PNISR: variants seen among roughly 807,000 people sequenced by gnomAD.
PNISR encodes PNN interacting serine and arginine rich protein.
In PNISR, 20 loss-of-function variants were observed where a neutral mutation model predicts 93.4. The observed-to-expected ratio is 0.21, with a 90% CI of 0.15 to 0.31. PNISR has a LOEUF of 0.31. PNISR is among the 10% of genes least tolerant of loss of function. The pLI is 1.00. For missense variants in PNISR, 893 were observed against 985.4 expected, an observed-to-expected ratio of 0.91 and a Z score of 1.25; for synonymous variants, 305 against 306.5, an observed-to-expected ratio of 0.99 and a Z score of 0.05.
chr6:99,418,507 T>C (rs1215137160), intron 1 of PNISR, among the ~76,000 whole-genome samples: 3 of 151,900 alleles, frequency 2.0e-5, no homozygotes, highest in Non-Finnish European at 4.4e-5. Flanking sequence ...TTTTCAAGGG[T>C]TTGATTTGTA....
intron 6 of PNISR, 46 bp downstream of exon 6, chr6:99,409,122 GATAAA>G (rs1562240533): frequency 7.2e-7 from 1 of 1,388,524 alleles, no homozygotes; most frequent in East Asian, 2.3e-5. Flanking sequence ...CTTTTTATAT[GATAAA>G]AAAGTCATGC....
chr6:99,423,178 G>T (rs1162653196), intron 1 of PNISR, among the ~76,000 whole-genome samples: 1 of 151,922 alleles, frequency 6.6e-6, no homozygotes, highest in African/African-American at 2.4e-5. Context: ...ACATGTCAAA[G>T]GAGAACAGTA....
chr6:99,404,089 G>C, intron 9 of PNISR: 3 of 530,036 alleles, frequency 5.7e-6, no homozygotes, highest in Non-Finnish European at 1.0e-5. Flanking sequence ...GGTTTATAAT[G>C]AGAAAAAATG....
Position 99,416,147 on chromosome 6 carries a change from A to AT in PNISR, c.-32+201dup, listed in dbSNP as rs1315900189. ...TGGGTATCAGTTCCAAGTTAAATAT[A>AT]TTTTTTTCTAACCTCTGTTCAGTGT... is the stretch of plus-strand genomic sequence containing the variant. On this transcript the variant is annotated intron_variant, in intron 2 of 11. Coordinates refer to ENST00000369239, the MANE Select transcript of PNISR (RefSeq NM_032870.4). 6 of 361,218 alleles carry AT rather than the reference A, an allele frequency of 1.7e-5. No homozygotes were observed. The South Asian group carries it at 6.0e-4, about 36-fold the overall frequency. The allele number at this position is 361,218 out of a possible 1,614,324, so 22.4% of individuals were successfully genotyped here. A position where few individuals can be genotyped will look rare whatever the true frequency, so the allele number is the denominator to read the frequency against.
chr6:99,418,827 G>A (rs1778089365), intron 1 of PNISR, among the ~76,000 whole-genome samples: 1 of 152,108 alleles, frequency 6.6e-6, no homozygotes. Flanking sequence ...GGGCACAGGT[G>A]GAACACCAAA....
intron 8 of PNISR, among the ~76,000 whole-genome samples, 185 bp downstream of exon 8, chr6:99,405,846 C>A (rs1776096284): frequency 6.6e-6 from 1 of 152,136 alleles, no homozygotes; most frequent in Admixed American, 6.5e-5. Context: ...AGCCTGAAAT[C>A]AAAACATTTA....
chr6:99,412,810 T>A (rs2128488228), intron 3 of PNISR, 71 bp from the exon 4 acceptor site: 1 of 925,934 alleles, frequency 1.1e-6, no homozygotes, highest in Non-Finnish European at 1.6e-6. Flanking sequence ...CTATGTAAAA[T>A]AAGCAGCTCA....
In PNISR at chr6:99,400,890, T is replaced by C. The variant is rs1448570589; in HGVS notation, c.2068A>G (p.Lys690Glu). 5 of 1,580,348 alleles carry C rather than the reference T, an allele frequency of 3.2e-6. No homozygotes were observed. Among genetic ancestry groups the C allele is most frequent in the Non-Finnish European group, 4.3e-6 (5 of 1,152,658 alleles). ...KDKEREREQDKRKEKQKREEK... is the reference protein window; with the variant it reads ...KDKEREREQDERKEKQKREEK... ...TCCCTTTTTTGTTTCTCTTTTCTTTTATCCTGTTCACGTTCCCTTTCTTTG... is the reference window on the plus strand; with the variant it reads ...TCCCTTTTTTGTTTCTCTTTTCTTTCATCCTGTTCACGTTCCCTTTCTTTG... Residue 690 changes from lysine to glutamate, a missense_variant, in exon 12 of 12, where the codon AAA becomes GAA. By Grantham distance (56) the Lys-to-Glu change is moderately conservative (BLOSUM62 1). Coordinates refer to ENST00000369239, the MANE Select transcript of PNISR (RefSeq NM_032870.4).
chr6:99,423,299 G>A (rs930731323), intron 1 of PNISR, among the ~76,000 whole-genome samples: 1 of 152,128 alleles, frequency 6.6e-6, no homozygotes, highest in Non-Finnish European at 1.5e-5. Context: ...AGCCCATAAG[G>A]ATATGATAAA....
intron 11 of PNISR, 112 bp from the exon 12 acceptor site, chr6:99,401,742 C>A (rs532743365): frequency 2.6e-6 from 2 of 778,882 alleles, no homozygotes; most frequent in African/African-American, 1.8e-5. Flanking sequence ...AATAGAATTA[C>A]GATGCAAGCC....
intron 9 of PNISR, 62 bp downstream of exon 9, chr6:99,404,541 C>T: frequency 1.2e-6 from 1 of 851,926 alleles, no homozygotes; most frequent in Non-Finnish European, 2.1e-6. Flanking sequence ...AAAAAAAGGC[C>T]AAAATAGTCA....
At chr6:99,417,227 T>C (rs186818088) in intron 1 of PNISR, among the ~76,000 whole-genome samples, 2 of 152,344 alleles carry the variant, frequency 1.3e-5, no homozygotes, top group Admixed American at 1.3e-4. Flanking sequence ...ATTTAAATGA[T>C]GAAAATGATG....
rs554198406 is a variant in PNISR, at chr6:99,406,017, C to G, written c.1002+14G>C. The G allele has an allele frequency of 6.3e-7, 1 of 1,586,226 alleles. No individual in the cohort carries two copies. Among genetic ancestry groups the G allele is most frequent in the East Asian group, 2.3e-5 (1 of 44,246 alleles). On this transcript the variant is annotated intron_variant, in intron 8 of 11. Coordinates refer to ENST00000369239, the MANE Select transcript of PNISR (RefSeq NM_032870.4). Reference sequence around the variant, plus strand: ...AATAAATCCATGTACATAGTAAGAACTTTAACATTCTACCATTTGATACTC... The same window carrying G: ...AATAAATCCATGTACATAGTAAGAAGTTTAACATTCTACCATTTGATACTC...
At chr6:99,425,043 G>A (rs1256241838) in intron 1 of PNISR, 172 bp downstream of exon 1, 1 of 400,686 alleles carries the variant, frequency 2.5e-6, no homozygotes, top group Non-Finnish European at 4.3e-6. Context: ...CGAAAGCAGC[G>A]CTCTGATTTA....
Position 99,401,583 on chromosome 6 carries a change from T to C in PNISR, c.1375A>G (p.Ile459Val). ...ERVTKEMNEFIHKEQNSLSLL... is the reference protein window; with the variant it reads ...ERVTKEMNEFVHKEQNSLSLL... ...GATAAACTATTTTGCTCTTTATGGATAAATTCATTCATCTCTTTTGTAACC... is the reference window on the plus strand; with the variant it reads ...GATAAACTATTTTGCTCTTTATGGACAAATTCATTCATCTCTTTTGTAACC... The change falls in exon 12 of 12, where the codon ATC (isoleucine) becomes GTC (valine). Residue 459 changes from isoleucine (I) to valine (V), a missense_variant. Ile to Val is a conservative substitution (Grantham distance 29). Transcript: ENST00000369239. 6.3e-7 allele frequency: 1 copy of C among 1,576,002 alleles called. No homozygotes were observed. Among genetic ancestry groups the C allele is most frequent in the Non-Finnish European group, 8.6e-7 (1 of 1,168,044 alleles).
At chr6:99,404,060 T>G in intron 9 of PNISR, 178 bp from the exon 10 acceptor site, 1 of 560,058 alleles carries the variant, frequency 1.8e-6, no homozygotes, top group Non-Finnish European at 3.2e-6. Context: ...AAATTATAAC[T>G]CTGATGTGAG....
intron 3 of PNISR, 120 bp downstream of exon 3, chr6:99,414,452 C>G (rs1777399496): frequency 2.2e-6 from 1 of 464,946 alleles, no homozygotes; most frequent in African/African-American, 2.0e-5. Flanking sequence ...AGATTAAATT[C>G]TGACCATAAA....
intron 11 of PNISR, 110 bp downstream of exon 11, chr6:99,402,430 T>C (rs1775618513): frequency 8.6e-6 from 7 of 814,142 alleles, no homozygotes; most frequent in Non-Finnish European, 1.2e-5. Flanking sequence ...TTATATCACA[T>C]ATTATTTATA....
At position 99,412,685 on chromosome 6, in the gene PNISR, G is replaced by A. The variant is rs780259158; in HGVS notation, c.143C>T (p.Ser48Leu). The A allele has an allele frequency of 5.6e-6, 9 of 1,609,172 alleles. No homozygotes were observed. Among genetic ancestry groups the A allele is most frequent in the Non-Finnish European group, 7.6e-6 (9 of 1,178,612 alleles). The change falls in exon 4 of 12, where the codon TCA (serine) becomes TTA (leucine). Residue 48 changes from serine (S) to leucine (L), a missense_variant. By Grantham distance (145) the Ser-to-Leu change is moderately radical. Coordinates refer to ENST00000369239, the MANE Select transcript of PNISR (RefSeq NM_032870.4). ...TTGTTCTACCATGCTTTGCTGTCCT[G>A]AAGCTTCTCTTTGGGCAATCCAAGC... The part of the protein sequence containing the change: ...AQAWIAQREA[S>L]GQQSMVEQPP...
Sources: allele counts gnomAD v4.1 joint callset (sites outside exome capture counted in the v4.1 genomes callset), GRCh38; gene constraint gnomAD v4.1.1; transcripts MANE v1.5; gene names NCBI Gene and HGNC (gene_info 2026-07-23, HGNC 2026-07-21).